NDUFS6: variants seen among roughly 807,000 people sequenced by gnomAD.
NDUFS6 encodes the protein NADH dehydrogenase [ubiquinone] iron-sulfur protein 6, mitochondrial.
NDUFS6 carries 14 observed loss-of-function variants against 13.2 expected under a neutral mutation model. The observed-to-expected ratio is 1.06, with a 90% CI of 0.70 to 1.66. The LOEUF is 1.66. Among genes scored for constraint, NDUFS6 ranks in the 40% most tolerant of loss-of-function variants. The pLI is 0.00. For synonymous variants in NDUFS6, 95 were observed against 72.3 expected, an observed-to-expected ratio of 1.31 and a Z score of -1.60; for missense variants, 206 against 170.8, an observed-to-expected ratio of 1.21 and a Z score of -1.15.
At chr5:1,811,182 T>C (rs1467134970) in intron 2 of NDUFS6, among the ~76,000 whole-genome samples, 1 of 152,250 alleles carries the variant, frequency 6.6e-6, no homozygotes, top group African/African-American at 2.4e-5. Context: ...TAATCGACCA[T>C]TTATGTTATT....
chr5:1,805,778 G>A (rs1734113062), intron 2 of NDUFS6, among the ~76,000 whole-genome samples: 1 of 152,250 alleles, frequency 6.6e-6, no homozygotes, highest in African/African-American at 2.4e-5. Flanking sequence ...GCAGTGAGGT[G>A]TGGTAATAAT....
At chr5:1,804,112 A>G (rs1027067553) in intron 2 of NDUFS6, among the ~76,000 whole-genome samples, 1 of 152,148 alleles carries the variant, frequency 6.6e-6, no homozygotes, top group African/African-American at 2.4e-5. Context: ...GCTGGACTCT[A>G]CATCCTTGCT....
At chr5:1,801,636 C>G in intron 1 of NDUFS6, 87 bp downstream of exon 1, 4 of 1,497,784 alleles carry the variant, frequency 2.7e-6, no homozygotes, top group Non-Finnish European at 3.6e-6. Flanking sequence ...ATCCGCGGCC[C>G]TGGTTCTGCG....
intron 2 of NDUFS6, among the ~76,000 whole-genome samples, chr5:1,809,362 C>A (rs549687810): frequency 6.6e-6 from 1 of 152,272 alleles, no homozygotes; most frequent in East Asian, 1.9e-4. Flanking sequence ...AGAATGGAGC[C>A]TTGAGTCTGA....
intron 2 of NDUFS6, among the ~76,000 whole-genome samples, chr5:1,813,264 TC>T (rs1476330661): frequency 7.9e-5 from 12 of 152,248 alleles, no homozygotes; most frequent in Non-Finnish European, 1.6e-4. Flanking sequence ...TTAGAAATGT[TC>T]CTGTTACTCT....
chr5:1,801,621 C>G (rs1376940821), intron 1 of NDUFS6, 72 bp downstream of exon 1: 2 of 1,510,484 alleles, frequency 1.3e-6, no homozygotes, highest in Admixed American at 4.0e-5. Context: ...GTGGGCTCGC[C>G]GGGCATCCGC....
At chr5:1,815,076 C>T (rs1734287482) in intron 3 of NDUFS6, among the ~76,000 whole-genome samples, 1 of 152,186 alleles carries the variant, frequency 6.6e-6, no homozygotes, top group African/African-American at 2.4e-5. Context: ...TTGGGGGGCA[C>T]ACGGTTTATT....
At chr5:1,807,958 C>A (rs1021711527) in intron 2 of NDUFS6, among the ~76,000 whole-genome samples, 1 of 152,208 alleles carries the variant, frequency 6.6e-6, no homozygotes, top group East Asian at 1.9e-4. Context: ...CCTTGTGGTG[C>A]CGCTGGAGCT....
chr5:1,810,802 G>A (rs375164333), intron 2 of NDUFS6, among the ~76,000 whole-genome samples: 6 of 151,548 alleles, frequency 4.0e-5, no homozygotes, highest in African/African-American at 1.5e-4. Flanking sequence ...GCTCTGCTCT[G>A]CCTCTCCCCC....
At position 1,802,338 on chromosome 5, in the gene NDUFS6, C is replaced by T; in HGVS notation, c.150C>T (p.Asp50=). The change falls in exon 2 of 4, where the codon GAC becomes GAT. Residue 50 remains aspartate, a synonymous_variant. Coordinates refer to ENST00000274137, the MANE Select transcript of NDUFS6 (RefSeq NM_004553.6). ...THTGQVYDDK[D]YRRIRFVGRQ... is the part of the protein sequence containing the mutation. ...TTTTCCAGGTTTATGATGATAAAGACTACAGGAGAATTCGGTTTGTAGGTC... is the reference window on the plus strand; with the variant it reads ...TTTTCCAGGTTTATGATGATAAAGATTACAGGAGAATTCGGTTTGTAGGTC... 1 of 1,613,904 alleles carries T rather than the reference C, an allele frequency of 6.2e-7. No homozygotes were observed. Among genetic ancestry groups the T allele is most frequent in the Non-Finnish European group, 8.5e-7 (1 of 1,179,938 alleles).
chr5:1,801,412 C>T lies in NDUFS6; in HGVS notation c.-6C>T. The T allele has an allele frequency of 6.2e-7, 1 of 1,605,444 alleles. No individual in the cohort carries two copies. Among genetic ancestry groups the T allele is most frequent in the Non-Finnish European group, 8.5e-7 (1 of 1,178,234 alleles). The stretch of plus-strand genomic sequence containing the variant: ...GTTGCGCCGGGTCAAAGGCCAGCGG[C>T]GCAAAATGGCGGCGGCGATGACCTT... On this transcript the variant is annotated 5_prime_UTR_variant, in exon 1 of 4. Coordinates refer to ENST00000274137, the MANE Select transcript of NDUFS6 (RefSeq NM_004553.6).
intron 2 of NDUFS6, among the ~76,000 whole-genome samples, chr5:1,809,416 C>T (rs146951199): frequency 3.9e-5 from 6 of 152,134 alleles, no homozygotes; most frequent in Non-Finnish European, 8.8e-5. Context: ...TGTTCACTGC[C>T]GGAGCTTGGC....
rs1554019104 is a variant in NDUFS6 at position 1,814,284 on chromosome 5, TA to T, written c.187-54del. ...AATTTGTGTGTGGTGGGTTAAATTG[TA>T]TGTAGTTAGCAAGTTTGTGTATTTG... On this transcript the variant is annotated intron_variant, in intron 2 of 3. Coordinates refer to ENST00000274137, the MANE Select transcript of NDUFS6 (RefSeq NM_004553.6). This position sits in a 1 kb window ranked among gnomAD's most constrained non-coding sequence, Gnocchi z 4.9. 3.5e-4 allele frequency: 24 copies of T among 67,994 alleles called. No individual in the cohort carries two copies. The highest frequency in any genetic ancestry group is 1.3e-3 in the Non-Finnish European group (24 of 18,540). 4.2% of individuals were successfully genotyped at this position (67,994 alleles called of 1,614,324 possible).
At position 1,814,754 on chromosome 5, in the gene NDUFS6, C is replaced by G. The variant is rs1177864661; in HGVS notation, c.309+293C>G. 6 of 695,752 alleles carry G rather than the reference C, an allele frequency of 8.6e-6. No individual in the cohort carries two copies. Among genetic ancestry groups the G allele is most frequent in the Non-Finnish European group, 1.3e-5 (5 of 382,116 alleles). 43.1% of individuals were successfully genotyped at this position (695,752 alleles called of 1,614,324 possible). On this transcript the variant is annotated intron_variant, in intron 3 of 3. Coordinates refer to ENST00000274137, the MANE Select transcript of NDUFS6 (RefSeq NM_004553.6). This position sits in a 1 kb window ranked among gnomAD's most constrained non-coding sequence, Gnocchi z 4.9. ...CTTCTCGGTTTGGTCATCATCTCAG[C>G]TCAGGCTGCCACACACAGCACCGCA... is the stretch of plus-strand genomic sequence containing the variant.
rs905716566 is a variant in NDUFS6, at chr5:1,801,500, T to A, written c.83T>A (p.Phe28Tyr). Residue 28 changes from phenylalanine to tyrosine, a missense_variant, in exon 1 of 4, where the codon TTC becomes TAC. Phe to Tyr is a conservative substitution (Grantham distance 22). Transcript: ENST00000274137. ...AGCCTGCCCCTGGGCGCCAGGTGTTTCGGGGTGCGGGTCTCGCCGACCGGG... is the reference window on the plus strand; with the variant it reads ...AGCCTGCCCCTGGGCGCCAGGTGTTACGGGGTGCGGGTCTCGCCGACCGGG... ...ARSLPLGARCFGVRVSPTGEK... is the reference protein window; with the variant it reads ...ARSLPLGARCYGVRVSPTGEK... 5 of 1,601,670 alleles carry A rather than the reference T, an allele frequency of 3.1e-6. No individual in the cohort carries two copies. The highest frequency in any genetic ancestry group is 1.3e-5 in the African/African-American group (1 of 74,864).
chr5:1,801,599 C>A, intron 1 of NDUFS6, 50 bp downstream of exon 1: 1 of 1,531,076 alleles, frequency 6.5e-7, no homozygotes, highest in South Asian at 1.2e-5. Context: ...GCACCTCGGG[C>A]GACTGGTGGC....
intron 2 of NDUFS6, among the ~76,000 whole-genome samples, chr5:1,812,244 G>A (rs971325803): frequency 2.0e-5 from 3 of 152,170 alleles, no homozygotes; most frequent in Non-Finnish European, 4.4e-5. Flanking sequence ...TGTGAGGGCA[G>A]CCAGAATCCT....
chr5:1,808,719 C>T lies in NDUFS6; in HGVS notation c.187-5620C>T, dbSNP rs376372222. On this transcript the variant is annotated intron_variant, in intron 2 of 3. Coordinates refer to ENST00000274137, the MANE Select transcript of NDUFS6 (RefSeq NM_004553.6). ...GTTTGAACATGTTGTACAGACAGCT[C>T]AATTGTGGTTTTTAGAGCATTTTCT... 2.6e-4 allele frequency among the ~76,000 whole-genome samples: 40 copies of T among 152,318 alleles called. No individual in the cohort carries two copies. The South Asian group carries it at 8.3e-3, about 32-fold the overall frequency.
chr5:1,812,612 A>G (rs971209576), intron 2 of NDUFS6, among the ~76,000 whole-genome samples: 19 of 149,708 alleles, frequency 1.3e-4, no homozygotes, highest in African/African-American at 4.4e-4. Flanking sequence ...ATTCTATAAC[A>G]TTTCCTGTCC....
Sources: gnomAD v4.1 joint callset for allele counts (sites outside exome capture counted in the v4.1 genomes callset) on GRCh38, gnomAD v4.1.1 for gene constraint, Gnocchi (gnomAD v3.1) non-coding constraint, MANE v1.5 for transcripts, NCBI Gene and HGNC (gene_info 2026-07-23, HGNC 2026-07-21) for gene names.